The following DEFB134 variants were observed in gnomAD, a reference collection of about 807,000 sequenced individuals.
The protein encoded by DEFB134 is beta-defensin 134.
DEFB134 carries 7 observed loss-of-function variants against 7.4 expected under a neutral mutation model. The ratio of observed to expected loss-of-function variants is 0.95; its 90% CI spans 0.54 to 1.79. The LOEUF is 1.79. DEFB134 is among the 40% of genes most tolerant of loss of function. The pLI is 0.00. For missense variants in DEFB134, 105 were observed against 74.8 expected, an observed-to-expected ratio of 1.40 and a Z score of -1.49; for synonymous variants, 33 against 25.0, an observed-to-expected ratio of 1.32 and a Z score of -0.96.
exon 2 of DEFB134, chr8:11,993,301 C>A (rs1585090527): frequency 6.6e-6 from 1 of 152,226 alleles, no homozygotes; most frequent in East Asian, 1.9e-4. Flanking sequence ...CATCACTCTG[C>A]TGCTAAGGAA....
In DEFB134 at chr8:11,996,189, T is replaced by C; in HGVS notation, c.58+5A>G. The C allele has an allele frequency of 6.2e-7, 1 of 1,613,628 alleles. No homozygotes were observed. The highest frequency in any genetic ancestry group is 8.5e-7 in the Non-Finnish European group (1 of 1,179,646). Reference sequence around the variant, plus strand: ...CCCCTACCCCCCAAAATATGCCAGTTTTACCTGCCAGCACTGGATCCCAAA... The same window carrying C: ...CCCCTACCCCCCAAAATATGCCAGTCTTACCTGCCAGCACTGGATCCCAAA... On this transcript the variant is annotated splice_donor_5th_base_variant and intron_variant, in intron 1 of 1. Transcript: ENST00000526438.
intron 1 of DEFB134, among the ~76,000 whole-genome samples, chr8:11,994,372 G>C (rs1049205023): frequency 5.9e-5 from 9 of 152,140 alleles, no homozygotes; most frequent in Non-Finnish European, 1.2e-4. Flanking sequence ...AGTTAAATGA[G>C]GTCATGATGG....
At chr8:11,993,947 T>A (rs1800045909) in exon 2 of DEFB134, 1 of 1,606,928 alleles carries the variant, frequency 6.2e-7, no homozygotes, top group African/African-American at 1.3e-5. Flanking sequence ...ATCAAGGGCC[T>A]ACAGGATAGT....
chr8:11,995,621 T>A (rs1198057882), intron 1 of DEFB134, among the ~76,000 whole-genome samples: 26 of 152,232 alleles, frequency 1.7e-4, no homozygotes, highest in Admixed American at 1.7e-3. Context: ...CCGTTCTAAA[T>A]CTGTTTCCTC....
At chr8:11,999,645 C>A (rs935223847), upstream of DEFB134, among the ~76,000 whole-genome samples, 2 of 152,146 alleles carry the variant, frequency 1.3e-5, no homozygotes, top group African/African-American at 4.8e-5. Flanking sequence ...AACAGGACAG[C>A]CTCTGAGTTT....
At chr8:11,995,742 A>T (rs973203765) in intron 1 of DEFB134, among the ~76,000 whole-genome samples, 1 of 152,224 alleles carries the variant, frequency 6.6e-6, no homozygotes, top group Non-Finnish European at 1.5e-5. Context: ...TTATACTTAG[A>T]TACATTCTTG....
At chr8:11,994,183 T>G in intron 1 of DEFB134, 61 bp from the exon 3 acceptor site, 1 of 1,532,968 alleles carries the variant, frequency 6.5e-7, no homozygotes, top group Non-Finnish European at 8.8e-7. Context: ...ATAAAATTGC[T>G]AGTCCCTCAA....
upstream of DEFB134, among the ~76,000 whole-genome samples, chr8:12,000,495 T>C (rs1365928095): frequency 6.6e-6 from 1 of 152,218 alleles, no homozygotes; most frequent in Admixed American, 6.5e-5. Context: ...AGACCCCCAG[T>C]AGATGCTTGA....
intron 1 of DEFB134, among the ~76,000 whole-genome samples, chr8:11,995,414 T>G (rs978972739): frequency 1.3e-5 from 2 of 152,216 alleles, no homozygotes; most frequent in African/African-American, 4.8e-5. Flanking sequence ...TCTAGGCAGA[T>G]GAACCAATCT....
chr8:11,993,731 C>G, exon 2 of DEFB134: 1 of 395,828 alleles, frequency 2.5e-6, no homozygotes. Flanking sequence ...GATGAGCACA[C>G]TGGACATCAC....
exon 1 of DEFB134, chr8:11,996,233 C>A (rs1004901700): frequency 6.2e-7 from 1 of 1,613,690 alleles, no homozygotes; most frequent in Non-Finnish European, 8.5e-7. Context: ...AAGACAAACA[C>A]AACAAGGAGA....
At chr8:11,996,126 T>G in intron 1 of DEFB134, 68 bp downstream of exon 2, 19 of 1,579,580 alleles carry the variant, frequency 1.2e-5, no homozygotes, top group Non-Finnish European at 1.7e-5. Flanking sequence ...TGTATGTTTA[T>G]TGGGTTGTTT....
upstream of DEFB134, among the ~76,000 whole-genome samples, chr8:12,000,689 C>A (rs1428922729): frequency 6.6e-6 from 1 of 152,172 alleles, no homozygotes; most frequent in Non-Finnish European, 1.5e-5. Flanking sequence ...TGAACTCTGT[C>A]TCCCCCAAAA....
At chr8:11,996,212 A>G (rs1165013629) in exon 1 of DEFB134, 4 of 1,613,706 alleles carry the variant, frequency 2.5e-6, no homozygotes, top group African/African-American at 2.7e-5. Flanking sequence ...ACTGGATCCC[A>G]AAGGAAAAGA....
At chr8:11,996,166 C>G in intron 1 of DEFB134, 28 bp downstream of exon 2, 1 of 1,612,912 alleles carries the variant, frequency 6.2e-7, no homozygotes, top group Non-Finnish European at 8.5e-7. Context: ...ATGAAGCACC[C>G]CTACCCCCCA....
At chr8:12,000,285 C>T (rs2150562143), upstream of DEFB134, among the ~76,000 whole-genome samples, 1 of 152,008 alleles carries the variant, frequency 6.6e-6, no homozygotes, top group South Asian at 2.1e-4. Context: ...TTATTTGTGT[C>T]TCTGATTAGA....
upstream of DEFB134, among the ~76,000 whole-genome samples, chr8:11,998,013 A>G (rs1800171632): frequency 6.6e-6 from 1 of 152,236 alleles, no homozygotes; most frequent in Admixed American, 6.5e-5. Flanking sequence ...CATGCCAGTA[A>G]CATTCTCAGA....
chr8:11,996,262 T>C, exon 1 of DEFB134: 1 of 1,613,502 alleles, frequency 6.2e-7, no homozygotes, highest in Non-Finnish European at 8.5e-7. Flanking sequence ...GGCTGGGAAC[T>C]TCTGTTAAGG....
upstream of DEFB134, among the ~76,000 whole-genome samples, chr8:11,996,706 T>A (rs1451774323): frequency 6.6e-6 from 1 of 152,202 alleles, no homozygotes; most frequent in Admixed American, 6.5e-5. Context: ...CTAAAGAAAG[T>A]TTCATTTATG....
Sources: allele counts gnomAD v4.1 joint callset (sites outside exome capture counted in the v4.1 genomes callset), GRCh38; gene constraint gnomAD v4.1.1; transcripts MANE v1.5; gene names NCBI Gene and HGNC (gene_info 2026-07-23, HGNC 2026-07-21).